The following NOP9 variants were observed in gnomAD, a reference collection of about 807,000 sequenced individuals.
NOP9 encodes the protein NOP9 nucleolar protein, also known as nucleolar protein 9.
NOP9 carries 50 observed loss-of-function variants against 63.0 expected under a neutral mutation model. That is an observed-to-expected ratio of 0.79 (90% CI 0.63 to 1.00). The LOEUF (loss-of-function observed/expected upper bound fraction) is 1.00. Ranked by LOEUF, NOP9 falls within the 50% of genes least tolerant of loss-of-function variation. The probability of loss-of-function intolerance (pLI) is 0.00; values close to 1 mark genes in which losing one functional copy is unlikely to be tolerated. For synonymous variants in NOP9, 343 were observed against 332.8 expected, an observed-to-expected ratio of 1.03 and a Z score of -0.33; for missense variants, 758 against 803.0, an observed-to-expected ratio of 0.94 and a Z score of 0.68.
At chr14:24,275,863 A>G in the NOP9 span, among the ~76,000 whole-genome samples, 1 of 152,224 alleles carries the variant, frequency 6.6e-6, no homozygotes, top group East Asian at 1.9e-4. Flanking sequence ...CCAGGGATCC[A>G]GTAGTGGACC....
the NOP9 span, among the ~76,000 whole-genome samples, chr14:24,284,150 A>T: frequency 6.6e-6 from 1 of 152,004 alleles, no homozygotes; most frequent in Admixed American, 6.5e-5. Context: ...ATGTCCTGTC[A>T]CCCCCCAGGA....
chr14:24,299,073 CCA>C, upstream of NOP9: 1 of 1,613,964 alleles, frequency 6.2e-7, no homozygotes, highest in Non-Finnish European at 8.5e-7. Flanking sequence ...GCACCAGTCA[CCA>C]CACACACTTG....
chr14:24,291,099 G>C, the NOP9 span: 1 of 1,613,374 alleles, frequency 6.2e-7, no homozygotes, highest in South Asian at 1.1e-5. Flanking sequence ...GGAACAGAGG[G>C]AACAGCAGTC....
At chr14:24,276,082 T>A in the NOP9 span, among the ~76,000 whole-genome samples, 1 of 152,170 alleles carries the variant, frequency 6.6e-6, no homozygotes, top group African/African-American at 2.4e-5. Context: ...TTAAAAATTT[T>A]TTTTTGGCCA....
the NOP9 span, among the ~76,000 whole-genome samples, chr14:24,277,082 T>C: frequency 1.3e-5 from 2 of 152,124 alleles, no homozygotes; most frequent in African/African-American, 4.8e-5. Flanking sequence ...GGAGAAGGAC[T>C]ATTTCTGAGG....
In NOP9 at chr14:24,305,887, C is replaced by A; in HGVS notation, c.*792C>A. 6.3e-7 allele frequency: 1 copy of A among 1,584,324 alleles called. No individual in the cohort carries two copies. Among genetic ancestry groups the A allele is most frequent in the African/African-American group, 1.3e-5 (1 of 74,416 alleles). Reference sequence around the variant, plus strand: ...CTAGGGGTAGGTGGGTGCAAGAGGACGAATTATGGGGACTATCCAACTGTA... The same window carrying A: ...CTAGGGGTAGGTGGGTGCAAGAGGAAGAATTATGGGGACTATCCAACTGTA... On this transcript the variant is annotated 3_prime_UTR_variant, in exon 10 of 10. Transcript: ENST00000267425.
Position 24,305,559 on chromosome 14 carries a change from C to T in NOP9, c.*464C>T. 1 of 1,544,514 alleles carries T rather than the reference C, an allele frequency of 6.5e-7. No individual in the cohort carries two copies. Among genetic ancestry groups the T allele is most frequent in the Non-Finnish European group, 8.7e-7 (1 of 1,145,594 alleles). On this transcript the variant is annotated 3_prime_UTR_variant, in exon 10 of 10. Coordinates refer to ENST00000267425, the MANE Select transcript of NOP9 (RefSeq NM_174913.3). ...ATCTAGCCTGTACTGTCTGCAGGTCCTGAAATTTGATGCTGTCATAGTCTT... is the reference window on the plus strand; with the variant it reads ...ATCTAGCCTGTACTGTCTGCAGGTCTTGAAATTTGATGCTGTCATAGTCTT...
rs1444769412 is a variant in NOP9, at chr14:24,303,742, G to T, written c.1295G>T (p.Cys432Phe). The T allele has an allele frequency of 6.2e-7, 1 of 1,614,008 alleles. No homozygotes were observed. The highest frequency in any genetic ancestry group is 1.3e-5 in the African/African-American group (1 of 74,922). Residue 432 changes from cysteine (C) to phenylalanine (F), a missense_variant, in exon 7 of 10, where the codon TGT (cysteine) becomes TTT (phenylalanine). Cys to Phe is a radical substitution (Grantham distance 205, BLOSUM62 -2). Coordinates refer to ENST00000267425, the MANE Select transcript of NOP9 (RefSeq NM_174913.3). ...TGTCTTCTCCTTTAGGCATTCCACT[G>T]TGCAGAGCCCTCATCCCGGCAAGTG... ...VLQLLLEAFH[C>F]AEPSSRQVAC...
chr14:24,291,155 G>T, the NOP9 span: 1,044 of 1,614,140 alleles, frequency 6.5e-4, 3 homozygotes, highest in African/African-American at 0.012. Context: ...CATCCCGAAG[G>T]CCATAGCGTC....
At chr14:24,302,467 G>C (rs966746260) in intron 5 of NOP9, 43 bp downstream of exon 5, 2 of 1,556,026 alleles carry the variant, frequency 1.3e-6, no homozygotes, top group Non-Finnish European at 1.8e-6. Flanking sequence ...GCTAATTCTT[G>C]ATCACTGGAC....
the NOP9 span, chr14:24,292,854 G>A: frequency 1.4e-4 from 209 of 1,527,034 alleles, no homozygotes; most frequent in Non-Finnish European, 1.7e-4. Context: ...AGCCTCTGGC[G>A]GCTTCCCCTG....
At chr14:24,304,811 G>T in intron 9 of NOP9, 127 bp from the exon 10 acceptor site, 1 of 1,145,372 alleles carries the variant, frequency 8.7e-7, no homozygotes, top group East Asian at 2.5e-5. Context: ...TCTGTTCTTT[G>T]GAAAGTGAAG....
In NOP9 at chr14:24,305,662, G is replaced by T; in HGVS notation, c.*567G>T. Reference sequence around the variant, plus strand: ...TAGGAATGGAGGCGGCCCTTCTGCTGCCACTGCTCAGCCCCCTCCACTGCA... The same window carrying T: ...TAGGAATGGAGGCGGCCCTTCTGCTTCCACTGCTCAGCCCCCTCCACTGCA... On this transcript the variant is annotated 3_prime_UTR_variant, in exon 10 of 10. Transcript: ENST00000267425. 1 of 1,614,084 alleles carries T rather than the reference G, an allele frequency of 6.2e-7. No individual in the cohort carries two copies. The highest frequency in any genetic ancestry group is 8.5e-7 in the Non-Finnish European group (1 of 1,179,970).
chr14:24,300,577 C>G lies in NOP9; in HGVS notation c.417C>G (p.His139Gln). The G allele has an allele frequency of 6.2e-7, 1 of 1,614,200 alleles. No individual in the cohort carries two copies. ...CTAACTTGCGCACTGTGGCCTGTCA[C>G]CGATGCGGGGTCCATGTATTACAAA... Reference protein sequence around the residue: ...LRSNLRTVACHRCGVHVLQSA... With the variant: ...LRSNLRTVACQRCGVHVLQSA... Residue 139 changes from histidine (H) to glutamine (Q), a missense_variant, in exon 2 of 10, where the codon CAC becomes CAG. By Grantham distance (24) the His-to-Gln change is conservative. Coordinates refer to ENST00000267425, the MANE Select transcript of NOP9 (RefSeq NM_174913.3).
intron 6 of NOP9, among the ~76,000 whole-genome samples, chr14:24,303,420 C>G (rs1163157418): frequency 6.8e-6 from 1 of 146,812 alleles, no homozygotes; most frequent in Non-Finnish European, 1.5e-5. Context: ...GAGTTTTGCT[C>G]TTGTTGCCCA....
At position 24,307,192 on chromosome 14, in the gene NOP9, A is replaced by T; in HGVS notation, c.*2097A>T. 1.7e-6 allele frequency: 1 copy of T among 603,612 alleles called. No individual in the cohort carries two copies. Among genetic ancestry groups the T allele is most frequent in the Non-Finnish European group, 2.8e-6 (1 of 353,964 alleles). The allele number at this position is 603,612 out of a possible 1,614,324, so 37.4% of individuals were successfully genotyped here. A position where few individuals can be genotyped will look rare whatever the true frequency, so the allele number is the denominator to read the frequency against. ...AACCCCTGCTCCCATAGAAAAGCTC[A>T]CTCGGTGGAAAATGAACAAATTGAC... On this transcript the variant is annotated 3_prime_UTR_variant, in exon 10 of 10. Transcript: ENST00000267425.
the NOP9 span, chr14:24,292,541 A>T: frequency 6.3e-7 from 1 of 1,577,198 alleles, no homozygotes; most frequent in African/African-American, 1.4e-5. Context: ...GCAGAGGAGG[A>T]GCTGAGAGGA....
chr14:24,306,784 T>C lies in NOP9; in HGVS notation c.*1689T>C, dbSNP rs77824268. 1,212 of 506,552 alleles carry C rather than the reference T, an allele frequency of 2.4e-3. 13 individuals carry two copies. Among genetic ancestry groups the C allele is most frequent in the African/African-American group, 0.02 (1,034 of 52,202 alleles). 31.4% of individuals were successfully genotyped at this position (506,552 alleles called of 1,614,324 possible). ...GCTCCCCTCCAAGTCACTTCTGGTT[T>C]GGAATTGGAAAGCAAGCCAGGTTCT... On this transcript the variant is annotated 3_prime_UTR_variant, in exon 10 of 10. Transcript: ENST00000267425.
rs71119069 is a variant in NOP9, at chr14:24,300,643, AGAGGAGGAG to A, written c.501_509del (p.Glu167_Glu169del). ...TCCCTCGATTGCTGGGGAGTGCTGCAGAGGAGGAGGAGGAGGAGGAGGAGGATGGAAAGG... is the reference window on the plus strand; with the variant it reads ...TCCCTCGATTGCTGGGGAGTGCTGCAGAGGAGGAGGAGGAGGATGGAAAGG... On this transcript the variant is annotated inframe_deletion, in exon 2 of 10. Coordinates refer to ENST00000267425, the MANE Select transcript of NOP9 (RefSeq NM_174913.3). 113 of 1,577,692 alleles carry A rather than the reference AGAGGAGGAG, an allele frequency of 7.2e-5. No individual in the cohort carries two copies. The African/African-American group carries it at 1.3e-3, about 18-fold the overall frequency.
Sources: allele counts gnomAD v4.1 joint callset (sites outside exome capture counted in the v4.1 genomes callset), GRCh38; gene constraint gnomAD v4.1.1; transcripts MANE v1.5; gene names NCBI Gene and HGNC (gene_info 2026-07-23, HGNC 2026-07-21).